Variants in ROS1 observed in about 807,000 individuals in gnomAD.
The protein encoded by ROS1 is proto-oncogene tyrosine-protein kinase ROS.
A neutral mutation model predicts 273.5 loss-of-function variants in ROS1; 263 were observed. The ratio of observed to expected loss-of-function variants is 0.96; its 90% confidence interval spans 0.87 to 1.06. The LOEUF is 1.06. Among genes scored for constraint, ROS1 ranks in the 50% least tolerant of loss-of-function variants. The pLI is 0.00. For missense variants in ROS1, 2,833 were observed against 2,751.1 expected, an observed-to-expected ratio of 1.03 and a Z score of -0.67; for synonymous variants, 1,008 against 954.1, an observed-to-expected ratio of 1.06 and a Z score of -1.04.
chr6:117,364,998 C>G, intron 21 of ROS1, 62 bp downstream of exon 21: 1 of 1,489,932 alleles, frequency 6.7e-7, no homozygotes, highest in Non-Finnish European at 9.3e-7. Flanking sequence ...ACTATCCATT[C>G]CAGATCATGA....
rs1207853141 is a variant in ROS1 at position 117,288,041 on chromosome 6, C to T, written c.*451G>A. The stretch of plus-strand genomic sequence containing the variant: ...TATGTGTGAAATTATTTCTCATTTC[C>T]TTGGTCCCATTTGAGATTATCTGTA... On this transcript the variant is annotated 3_prime_UTR_variant, in exon 44 of 44. Coordinates refer to ENST00000368507, the MANE Select transcript of ROS1 (RefSeq NM_001378902.1). Among the ~76,000 whole-genome samples the T allele has an allele frequency of 3.3e-5, 5 of 151,998 alleles. No homozygotes were observed. Among genetic ancestry groups the T allele is most frequent in the Admixed American group, 1.3e-4 (2 of 15,270 alleles).
Position 117,394,658 on chromosome 6 carries a change from C to T in ROS1, c.964G>A (p.Ala322Thr), listed in dbSNP as rs957712386. 5 of 1,611,082 alleles carry T rather than the reference C, an allele frequency of 3.1e-6. No homozygotes were observed. Among genetic ancestry groups the T allele is most frequent in the Non-Finnish European group, 4.2e-6 (5 of 1,178,044 alleles). ...KRSLKHLVDE[A>T]HCLRLDAIYH... is the part of the protein sequence containing the mutation. ...ATAGCATCCAACCGAAGGCAATGTG[C>T]TTCATCTACTAAATGTTTTAAAGAT... Residue 322 changes from alanine to threonine, a missense_variant, in exon 10 of 44, where the codon GCA (alanine) becomes ACA (threonine). Physicochemically the swap from Ala to Thr is moderately conservative, Grantham distance 58. Transcript: ENST00000368507.
At chr6:117,322,666 T>A (rs1158616917) in intron 35 of ROS1, among the ~76,000 whole-genome samples, 1 of 152,216 alleles carries the variant, frequency 6.6e-6, no homozygotes, top group African/African-American at 2.4e-5. Flanking sequence ...TGTTTATAAC[T>A]GATGAGTGCC....
intron 4 of ROS1, among the ~76,000 whole-genome samples, chr6:117,410,260 A>C (rs930876809): frequency 7.9e-5 from 12 of 152,202 alleles, no homozygotes; most frequent in Admixed American, 1.3e-4. Context: ...TGAGCTTAGC[A>C]GTACAATTAT....
At chr6:117,379,537 T>A (rs1300533531) in intron 17 of ROS1, among the ~76,000 whole-genome samples, 1 of 152,180 alleles carries the variant, frequency 6.6e-6, no homozygotes, top group Non-Finnish European at 1.5e-5. Context: ...TGTGTCAAGC[T>A]TGCCTAAAGG....
intron 1 of ROS1, among the ~76,000 whole-genome samples, chr6:117,423,223 A>G (rs530379638): frequency 1.3e-5 from 2 of 152,252 alleles, no homozygotes; most frequent in South Asian, 4.1e-4. Flanking sequence ...TACATGGCTG[A>G]TGGGTGCACC....
chr6:117,302,975 G>A (rs1774846740), intron 42 of ROS1, among the ~76,000 whole-genome samples: 1 of 152,052 alleles, frequency 6.6e-6, no homozygotes, highest in Non-Finnish European at 1.5e-5. Flanking sequence ...CACTTCCCCA[G>A]GGCTTGGAAG....
Position 117,326,214 on chromosome 6 carries a change from G to T in ROS1, c.5539+10C>A, listed in dbSNP as rs1464737689. The T allele has an allele frequency of 6.4e-7, 1 of 1,563,130 alleles. No homozygotes were observed. Among genetic ancestry groups the T allele is most frequent in the Admixed American group, 1.9e-5 (1 of 51,502 alleles). ...AATAAGCTAGTGTGTAGACAGACAT[G>T]GTAACATACCTCCAACTAATATAAT... On this transcript the variant is annotated intron_variant, in intron 34 of 43. Transcript: ENST00000368507.
chr6:117,383,816 A>G (rs140180974), intron 16 of ROS1, among the ~76,000 whole-genome samples: 59 of 152,328 alleles, frequency 3.9e-4, no homozygotes, highest in African/African-American at 1.4e-3. Context: ...ACACTGCTGG[A>G]TAGGAATATA....
intron 43 of ROS1, among the ~76,000 whole-genome samples, chr6:117,292,769 G>A (rs550946594): frequency 8.5e-5 from 13 of 152,276 alleles, no homozygotes; most frequent in African/African-American, 1.2e-4. Context: ...CAGGAATAGC[G>A]TTGATTTTTA....
chr6:117,321,822 A>G (rs1292029333), intron 35 of ROS1, among the ~76,000 whole-genome samples: 1 of 143,760 alleles, frequency 7.0e-6, no homozygotes, highest in Non-Finnish European at 1.5e-5. Context: ...CTTTCAGTAT[A>G]ATGGCAATTT....
intron 33 of ROS1, 97 bp from the exon 34 acceptor site, chr6:117,326,511 T>A (rs901705000): frequency 1.4e-6 from 1 of 718,134 alleles, no homozygotes; most frequent in Admixed American, 3.9e-5. Context: ...CCAGAGAGTG[T>A]CCTTTGGCAC....
chr6:117,345,903 G>GA (rs1390352475), intron 27 of ROS1, among the ~76,000 whole-genome samples: 2 of 152,102 alleles, frequency 1.3e-5, no homozygotes, highest in East Asian at 1.9e-4. Flanking sequence ...CAAAATGCAG[G>GA]AAAAAATGTT....
chr6:117,394,139 CCTCTTTAACTT>C lies in ROS1; in HGVS notation c.1191+12_1191+22del, dbSNP rs1472176647. 1 of 1,500,994 alleles carries C rather than the reference CCTCTTTAACTT, an allele frequency of 6.7e-7. No individual in the cohort carries two copies. The highest frequency in any genetic ancestry group is 9.0e-7 in the Non-Finnish European group (1 of 1,105,770). 93.0% of individuals were successfully genotyped at this position (1,500,994 alleles called of 1,614,324 possible). ...ATCAGTATCACTGTCTATCACTATT[CCTCTTTAACTT>C]CTCGGACTAACCAGTTCATCCATGA... On this transcript the variant is annotated intron_variant, in intron 11 of 43. Coordinates refer to ENST00000368507, the MANE Select transcript of ROS1 (RefSeq NM_001378902.1).
intron 32 of ROS1, among the ~76,000 whole-genome samples, chr6:117,329,743 G>GGGAAGGGGAACCCC (rs778403456): frequency 1.8e-4 from 27 of 152,086 alleles, no homozygotes; most frequent in Non-Finnish European, 2.9e-4. Flanking sequence ...GAACCACACG[G>GGGAAGGGGAACCCC]GGAAGGGGAA....
chr6:117,328,610 G>A lies in ROS1; in HGVS notation c.5348+719C>T, dbSNP rs1582634703. 3 of 454,864 alleles carry A rather than the reference G, an allele frequency of 6.6e-6. No homozygotes were observed. The East Asian group carries it at 1.2e-4, about 18-fold the overall frequency. The allele number at this position is 454,864 out of a possible 1,614,324, so 28.2% of individuals were successfully genotyped here. A position where few individuals can be genotyped will look rare whatever the true frequency, so the allele number is the denominator to read the frequency against. ...ATCAAGTTGCCAGGACTATAATTAT[G>A]GAAGTGACTTTTGTCCTTGGAACTT... On this transcript the variant is annotated intron_variant, in intron 33 of 43. Transcript: ENST00000368507.
intron 32 of ROS1, among the ~76,000 whole-genome samples, chr6:117,333,684 A>G (rs752429058): frequency 4.6e-5 from 7 of 152,226 alleles, no homozygotes; most frequent in Non-Finnish European, 1.0e-4. Context: ...CTGATTCAAC[A>G]TATGCAAATC....
intron 26 of ROS1, among the ~76,000 whole-genome samples, chr6:117,353,830 C>T (rs1253786747): frequency 6.6e-6 from 1 of 152,186 alleles, no homozygotes; most frequent in Non-Finnish European, 1.5e-5. Context: ...CAATGGCAGG[C>T]ATCCTAAAGA....
At chr6:117,303,434 A>T (rs891513978) in intron 42 of ROS1, among the ~76,000 whole-genome samples, 2 of 152,206 alleles carry the variant, frequency 1.3e-5, no homozygotes, top group Admixed American at 6.5e-5. Context: ...ATAAGATACT[A>T]CTCATGGGAA....
Sources: gnomAD v4.1 joint callset for allele counts (sites outside exome capture counted in the v4.1 genomes callset) on GRCh38, gnomAD v4.1.1 for gene constraint, MANE v1.5 for transcripts, NCBI Gene and HGNC (gene_info 2026-07-23, HGNC 2026-07-21) for gene names.